The following OR3A2 variants were observed in gnomAD, a reference collection of about 807,000 sequenced individuals.
OR3A2 encodes olfactory receptor family 3 subfamily A member 2.
For missense variants in OR3A2, 318 were observed against 392.8 expected, an observed-to-expected ratio of 0.81 and a Z score of 1.61; for synonymous variants, 126 against 159.3, an observed-to-expected ratio of 0.79 and a Z score of 1.57.
chr17:3,344,839 T>C lies in OR3A2; in HGVS notation c.-178-8713A>G, dbSNP rs866255011. 3.3e-5 allele frequency among the ~76,000 whole-genome samples: 5 copies of C among 152,278 alleles called. No individual in the cohort carries two copies. The South Asian group carries it at 1.0e-3, about 32-fold the overall frequency. On this transcript the variant is annotated intron_variant, in intron 2 of 4. Coordinates refer to the OR3A2 transcript ENST00000573491. ...CAACCAAAGTGAATCCTAGGCCTCA[T>C]GCTGAGCCAACTGGAGGGAATGTTC...
intron 2 of OR3A2, among the ~76,000 whole-genome samples, chr17:3,350,895 A>G (rs2049414524): frequency 6.7e-6 from 1 of 149,496 alleles, no homozygotes; most frequent in Admixed American, 6.7e-5. Context: ...AAATCAATAA[A>G]TGTAATCCAG....
At chr17:3,291,621 C>T in intron 3 of OR3A2, 1 of 1,566,602 alleles carries the variant, frequency 6.4e-7, no homozygotes, top group Non-Finnish European at 8.7e-7. Context: ...GAGAAAGGGT[C>T]AATTGAGACC....
chr17:3,319,500 A>G (rs1487703122), intron 3 of OR3A2, among the ~76,000 whole-genome samples: 2 of 152,020 alleles, frequency 1.3e-5, no homozygotes, highest in African/African-American at 2.4e-5. Flanking sequence ...AGCATTAGGT[A>G]TATCTCCTAA....
At chr17:3,349,438 C>T (rs1338898212) in intron 2 of OR3A2, among the ~76,000 whole-genome samples, 2 of 151,360 alleles carry the variant, frequency 1.3e-5, no homozygotes, top group African/African-American at 4.8e-5. Flanking sequence ...ACAAAGAAGG[C>T]CATTACATAA....
intron 3 of OR3A2, among the ~76,000 whole-genome samples, chr17:3,327,928 G>A (rs1361827010): frequency 8.3e-6 from 1 of 121,164 alleles, no homozygotes; most frequent in African/African-American, 3.7e-5. Context: ...CTCTGTTTTG[G>A]TACCAGTACC....
chr17:3,382,264 C>T (rs2049742837), intron 2 of OR3A2, among the ~76,000 whole-genome samples: 3 of 152,182 alleles, frequency 2.0e-5, no homozygotes, highest in Non-Finnish European at 2.9e-5. Context: ...TGAGTGCAAA[C>T]GGCTCAGCCC....
rs185141127 is a variant in OR3A2 at position 3,337,438 on chromosome 17, C to G, written c.-178-1312G>C. 8.6e-5 allele frequency among the ~76,000 whole-genome samples: 13 copies of G among 152,042 alleles called. No homozygotes were observed. In the East Asian group the frequency reaches 2.5e-3, roughly 29 times the overall value. On this transcript the variant is annotated intron_variant, in intron 2 of 4. Coordinates refer to the OR3A2 transcript ENST00000573491. ...ATCCCTCCCCCATCCCCCAACCCCA[C>G]GAGAGGCCCCGGTGTGTGATGTTCC...
At chr17:3,375,234 T>C (rs1597364678) in intron 2 of OR3A2, among the ~76,000 whole-genome samples, 1 of 76,098 alleles carries the variant, frequency 1.3e-5, no homozygotes, top group Non-Finnish European at 2.3e-5. Flanking sequence ...TTTTTTCTTT[T>C]TTTTTTTTTT....
intron 2 of OR3A2, among the ~76,000 whole-genome samples, chr17:3,349,812 C>T (rs1383388430): frequency 6.6e-6 from 1 of 151,888 alleles, no homozygotes; most frequent in African/African-American, 2.4e-5. Context: ...TGTAAAAGAA[C>T]AGAAATTATA....
intron 2 of OR3A2, among the ~76,000 whole-genome samples, chr17:3,344,741 C>A (rs544593224): frequency 6.6e-6 from 1 of 152,230 alleles, no homozygotes; most frequent in South Asian, 2.1e-4. Context: ...GGCTGCACAC[C>A]AAGATCTGGT....
At chr17:3,348,453 A>T (rs1427624500) in intron 2 of OR3A2, among the ~76,000 whole-genome samples, 1 of 152,172 alleles carries the variant, frequency 6.6e-6, no homozygotes, top group Non-Finnish European at 1.5e-5. Context: ...AAATGAATGA[A>T]ATGAAGCGAG....
intron 2 of OR3A2, among the ~76,000 whole-genome samples, chr17:3,354,399 C>G (rs2049446282): frequency 6.6e-6 from 1 of 151,158 alleles, no homozygotes; most frequent in Admixed American, 6.6e-5. Flanking sequence ...GTAGCCTCAA[C>G]CTAAAGAAAA....
In OR3A2 at chr17:3,321,839, A is replaced by C. The variant is rs78394881; in HGVS notation, c.-85+14194T>G. Reference sequence around the variant, plus strand: ...TCATCAAGGATATTGGTCTAAAATTATCTTTTGTGGTTGTGTCTCTGCCAG... The same window carrying C: ...TCATCAAGGATATTGGTCTAAAATTCTCTTTTGTGGTTGTGTCTCTGCCAG... On this transcript the variant is annotated intron_variant, in intron 3 of 4. Coordinates refer to the OR3A2 transcript ENST00000573491. Among the ~76,000 whole-genome samples, 1,440 of 152,094 alleles carry C rather than the reference A, an allele frequency of 9.5e-3. 12 individuals carry two copies. The highest frequency in any genetic ancestry group is 0.014 in the Non-Finnish European group (970 of 67,978).
rs549971152 is a variant in OR3A2, at chr17:3,343,727, T to C, written c.-178-7601A>G. On this transcript the variant is annotated intron_variant, in intron 2 of 4. Transcript: ENST00000573491. ...GCACTGTATTGAACAGGAGTGTTCA[T>C]TCAATGAAAGCTTGCTTAGTGTCAT... Among the ~76,000 whole-genome samples the C allele has an allele frequency of 9.8e-5, 15 of 152,298 alleles. No individual in the cohort carries two copies. The South Asian group carries it at 2.5e-3, about 25-fold the overall frequency.
chr17:3,302,918 C>T (rs971513083), intron 3 of OR3A2, among the ~76,000 whole-genome samples: 1 of 152,182 alleles, frequency 6.6e-6, no homozygotes, highest in Non-Finnish European at 1.5e-5. Flanking sequence ...TCTCACTAGG[C>T]TGCCCCTGTT....
chr17:3,369,347 G>A (rs763334816), intron 2 of OR3A2, among the ~76,000 whole-genome samples: 15 of 152,070 alleles, frequency 9.9e-5, no homozygotes, highest in South Asian at 2.1e-4. Flanking sequence ...AACTTTTCCC[G>A]TTCAGTATAA....
intron 2 of OR3A2, among the ~76,000 whole-genome samples, chr17:3,355,435 T>C (rs1032212530): frequency 9.6e-5 from 7 of 73,088 alleles, no homozygotes; most frequent in Non-Finnish European, 1.8e-4. Flanking sequence ...CATTTCTCTC[T>C]CTCTCTCTCT....
intron 2 of OR3A2, among the ~76,000 whole-genome samples, chr17:3,356,887 T>C (rs1189004405): frequency 6.6e-6 from 1 of 151,672 alleles, no homozygotes; most frequent in African/African-American, 2.4e-5. Context: ...CTCATGTCAA[T>C]AATTTTTTTC....
chr17:3,300,692 CTT>C (rs35955034), intron 3 of OR3A2, among the ~76,000 whole-genome samples: 1 of 150,448 alleles, frequency 6.6e-6, no homozygotes, highest in Non-Finnish European at 1.5e-5. Context: ...AAATTTTTTT[CTT>C]TTTTTTTTAA....
Sources: gnomAD v4.1 joint callset for allele counts (sites outside exome capture counted in the v4.1 genomes callset) on GRCh38, gnomAD v4.1.1 for gene constraint, MANE v1.5 for transcripts, NCBI Gene and HGNC (gene_info 2026-07-23, HGNC 2026-07-21) for gene names.